The following ZNF618 variants were observed in gnomAD, a reference collection of about 807,000 sequenced individuals.
ZNF618 encodes neural precursor cell expressed, developmentally down-regulated 10.
ZNF618 carries 34 observed loss-of-function variants against 103.0 expected under a neutral mutation model. The ratio of observed to expected loss-of-function variants is 0.33; its 90% CI spans 0.25 to 0.44. ZNF618 has a LOEUF of 0.44. ZNF618 is among the 20% of genes least tolerant of loss of function. The probability of loss-of-function intolerance (pLI) is 1.00; values close to 1 mark genes in which losing one functional copy is unlikely to be tolerated. For missense variants in ZNF618, 1,059 were observed against 1,295.4 expected, an observed-to-expected ratio of 0.82 and a Z score of 2.80; for synonymous variants, 551 against 542.2, an observed-to-expected ratio of 1.02 and a Z score of -0.23.
chr9:113,965,044 T>C (rs1013449554), intron 1 of ZNF618, among the ~76,000 whole-genome samples: 1 of 151,114 alleles, frequency 6.6e-6, no homozygotes, highest in Admixed American at 6.6e-5. Context: ...GCTGCTATCC[T>C]CCCACTCTCT....
At chr9:113,995,898 G>C (rs1392254100) in intron 3 of ZNF618, among the ~76,000 whole-genome samples, 1 of 152,138 alleles carries the variant, frequency 6.6e-6, no homozygotes, top group African/African-American at 2.4e-5. Context: ...ATCGTCTTTT[G>C]TTTGTAACGT....
chr9:113,959,857 C>T (rs992212502), intron 1 of ZNF618, among the ~76,000 whole-genome samples: 3 of 152,198 alleles, frequency 2.0e-5, no homozygotes, highest in South Asian at 4.1e-4. Context: ...GATCCACCCG[C>T]CTCGGCCTCC....
At chr9:113,974,607 G>A (rs938926985) in intron 2 of ZNF618, among the ~76,000 whole-genome samples, 4 of 151,358 alleles carry the variant, frequency 2.6e-5, no homozygotes, top group Admixed American at 6.6e-5. Flanking sequence ...TTTTTTTTCA[G>A]GCCTGAGGAC....
At chr9:113,937,262 C>T (rs1319548946) in intron 1 of ZNF618, among the ~76,000 whole-genome samples, 2 of 152,154 alleles carry the variant, frequency 1.3e-5, no homozygotes, top group Non-Finnish European at 2.9e-5. Flanking sequence ...TCCTCTTTCC[C>T]CCACCCCACT....
chr9:113,879,918 G>T (rs766185733), intron 1 of ZNF618, among the ~76,000 whole-genome samples: 1 of 152,054 alleles, frequency 6.6e-6, no homozygotes, highest in Non-Finnish European at 1.5e-5. Flanking sequence ...TTGAACAAGG[G>T]TTCTTGCTTT....
intron 10 of ZNF618, among the ~76,000 whole-genome samples, chr9:114,024,692 CTT>C (rs1349845409): frequency 2.0e-5 from 3 of 149,926 alleles, no homozygotes; most frequent in Non-Finnish European, 4.4e-5. Context: ...ATCTCCTACT[CTT>C]GTGTGACTTT....
intron 13 of ZNF618, among the ~76,000 whole-genome samples, chr9:114,039,336 GTTTGTTTT>G (rs1432765085): frequency 1.4e-4 from 19 of 133,082 alleles, no homozygotes; most frequent in African/African-American, 5.0e-4. Context: ...TTTCTTTCTT[GTTTGTTTT>G]TTTTTTTTTT....
intron 1 of ZNF618, among the ~76,000 whole-genome samples, chr9:113,881,030 C>T (rs1487572643): frequency 6.6e-6 from 1 of 152,190 alleles, no homozygotes; most frequent in Admixed American, 6.5e-5. Context: ...GCACATACCC[C>T]AGCTTGTTGG....
rs558583803 is a variant in ZNF618 at position 113,987,324 on chromosome 9, G to A, written c.78-997G>A. Among the ~76,000 whole-genome samples the A allele has an allele frequency of 4.9e-4, 75 of 152,300 alleles. No homozygotes were observed. The South Asian group carries it at 7.5e-3, about 15-fold the overall frequency. Reference sequence around the variant, plus strand: ...TGCCTTGGCCTGTCCCCAATTTTATGTCTGGCCTGAGCAAGTCACAGCTCT... The same window carrying A: ...TGCCTTGGCCTGTCCCCAATTTTATATCTGGCCTGAGCAAGTCACAGCTCT... On this transcript the variant is annotated intron_variant, in intron 2 of 14. Coordinates refer to ENST00000374126, the MANE Select transcript of ZNF618 (RefSeq NM_001318042.2).
At chr9:113,881,408 A>C (rs1354134523) in intron 1 of ZNF618, among the ~76,000 whole-genome samples, 1 of 152,192 alleles carries the variant, frequency 6.6e-6, no homozygotes, top group Non-Finnish European at 1.5e-5. Context: ...CAGTGTATTA[A>C]GGAAAGTAAA....
intron 2 of ZNF618, among the ~76,000 whole-genome samples, chr9:113,978,881 C>G (rs918480578): frequency 1.3e-5 from 2 of 152,038 alleles, no homozygotes; most frequent in Non-Finnish European, 2.9e-5. Context: ...CCCGGAGCAC[C>G]GCCCCAGCAT....
intron 1 of ZNF618, among the ~76,000 whole-genome samples, chr9:113,879,929 T>C (rs1463741865): frequency 6.6e-6 from 1 of 152,226 alleles, no homozygotes; most frequent in African/African-American, 2.4e-5. Context: ...TTCTTGCTTT[T>C]GCAGAACGAA....
In ZNF618 at chr9:114,008,298, G is replaced by GT. The variant is rs776147464; in HGVS notation, c.641-43dup. The GT allele has an allele frequency of 5.6e-6, 9 of 1,611,444 alleles. No homozygotes were observed. In the South Asian group the frequency reaches 8.8e-5, roughly 16 times the overall value. On this transcript the variant is annotated intron_variant, in intron 7 of 14. Coordinates refer to ENST00000374126, the MANE Select transcript of ZNF618 (RefSeq NM_001318042.2). ...CTGGGCAGGGACTAACAGGGCTCCT[G>GT]TTTGTTTCTTTCCTTCTGCGGCTGC...
intron 7 of ZNF618, 142 bp downstream of exon 7, chr9:114,007,581 C>G (rs772735143): frequency 1.4e-6 from 1 of 727,510 alleles, no homozygotes; most frequent in Non-Finnish European, 2.2e-6. Context: ...GGGGAATGAC[C>G]AGCCCTGGAG....
rs564272554 is a variant in ZNF618, at chr9:114,029,090, G to A, written c.1084+118G>A. On this transcript the variant is annotated intron_variant, in intron 11 of 14. Transcript: ENST00000374126. ...AGAGCAAGAGTGGCAGTCCCGTAGT[G>A]ATCTGGGACAAATCTGAGTCCCAGC... is the stretch of plus-strand genomic sequence containing the variant. The A allele has an allele frequency of 1.1e-5, 15 of 1,391,416 alleles. No homozygotes were observed. In the African/African-American group the frequency reaches 2.2e-4, roughly 20 times the overall value. 86.2% of individuals were successfully genotyped at this position (1,391,416 alleles called of 1,614,324 possible). A position where few individuals can be genotyped will look rare whatever the true frequency, so the allele number is the denominator to read the frequency against.
At chr9:113,989,059 G>A (rs1564262466) in intron 3 of ZNF618, among the ~76,000 whole-genome samples, 1 of 152,214 alleles carries the variant, frequency 6.6e-6, no homozygotes, top group Non-Finnish European at 1.5e-5. Flanking sequence ...GGAGCTCTGT[G>A]GAAACTCACA....
At chr9:113,990,788 G>C (rs770985412) in intron 3 of ZNF618, among the ~76,000 whole-genome samples, 7 of 152,206 alleles carry the variant, frequency 4.6e-5, no homozygotes, top group Non-Finnish European at 8.8e-5. Context: ...TGACAGAATA[G>C]GGGTGAACCA....
chr9:114,019,451 C>G (rs1294899084), intron 10 of ZNF618, among the ~76,000 whole-genome samples: 1 of 152,194 alleles, frequency 6.6e-6, no homozygotes, highest in East Asian at 1.9e-4. Context: ...ATCTTTCACT[C>G]CTGCCAGCTG....
chr9:114,054,339 C>T lies in ZNF618; in HGVS notation c.*4172C>T, dbSNP rs1846326333. The T allele has an allele frequency of 6.6e-6, 1 of 152,188 alleles. No homozygotes were observed. 9.4% of individuals were successfully genotyped at this position (152,188 alleles called of 1,614,324 possible). A position where few individuals can be genotyped will look rare whatever the true frequency, so the allele number is the denominator to read the frequency against. ...GGCTGGAACAGCCTGTGAGATGGCT[C>T]CATTGGGGACACTCCCCTCATCTTG... On this transcript the variant is annotated 3_prime_UTR_variant, in exon 15 of 15. Transcript: ENST00000374126.
Sources: allele counts gnomAD v4.1 joint callset (sites outside exome capture counted in the v4.1 genomes callset), GRCh38; gene constraint gnomAD v4.1.1; transcripts MANE v1.5; gene names NCBI Gene and HGNC (gene_info 2026-07-23, HGNC 2026-07-21).